Variants in MATCAP2 observed in about 807,000 individuals in gnomAD.
MATCAP2 encodes microtubule associated tyrosine carboxypeptidase 2.
At chr7:36,382,131 A>G in the MATCAP2 span, among the ~76,000 whole-genome samples, 5 of 145,340 alleles carry the variant, frequency 3.4e-5, no homozygotes, top group Non-Finnish European at 7.6e-5. Context: ...TGTCTCCACT[A>G]AAAAAAAAAC....
At chr7:36,364,981 T>C in the MATCAP2 span, among the ~76,000 whole-genome samples, 3 of 152,152 alleles carry the variant, frequency 2.0e-5, no homozygotes, top group African/African-American at 7.2e-5. Context: ...TTTGCAAACA[T>C]ACAGGGTTGG....
chr7:36,356,984 T>C, the MATCAP2 span: 537 of 1,614,182 alleles, frequency 3.3e-4, 6 homozygotes, highest in East Asian at 9.2e-3. Flanking sequence ...AAACTGAGGA[T>C]TGTAGGTATA....
chr7:36,384,955 G>A, the MATCAP2 span, among the ~76,000 whole-genome samples: 18 of 152,098 alleles, frequency 1.2e-4, no homozygotes, highest in Non-Finnish European at 1.5e-5. Context: ...TGGCCTTGTA[G>A]GTATGATAAG....
At chr7:36,380,817 C>T in the MATCAP2 span, among the ~76,000 whole-genome samples, 1 of 152,222 alleles carries the variant, frequency 6.6e-6, no homozygotes. Context: ...GCAACCTCCA[C>T]CTCCCAGGTT....
the MATCAP2 span, chr7:36,325,081 A>G: frequency 6.6e-6 from 1 of 152,228 alleles, no homozygotes; most frequent in African/African-American, 2.4e-5. Context: ...AAGTTTTTAG[A>G]TGCAATTAGA....
chr7:36,335,265 A>C, the MATCAP2 span: 2 of 1,214,648 alleles, frequency 1.6e-6, no homozygotes, highest in Non-Finnish European at 2.4e-6. Flanking sequence ...TGGGCCTGTA[A>C]ATTAACACTG....
chr7:36,351,105 T>C, the MATCAP2 span, among the ~76,000 whole-genome samples: 1 of 152,200 alleles, frequency 6.6e-6, no homozygotes, highest in East Asian at 1.9e-4. Context: ...ACTTTCAAAA[T>C]TTGAACTCTG....
chr7:36,373,447 C>A, the MATCAP2 span, among the ~76,000 whole-genome samples: 162 of 152,082 alleles, frequency 1.1e-3, 1 homozygote, highest in Non-Finnish European at 2.0e-3. Flanking sequence ...GCGATCTAGG[C>A]AAAGGAATTG....
At chr7:36,347,090 GT>G in the MATCAP2 span, among the ~76,000 whole-genome samples, 1 of 152,040 alleles carries the variant, frequency 6.6e-6, no homozygotes, top group South Asian at 2.1e-4. Flanking sequence ...TTTTAGTTTA[GT>G]TTTACATTGC....
chr7:36,336,414 T>A, the MATCAP2 span: 2 of 867,574 alleles, frequency 2.3e-6, no homozygotes, highest in Non-Finnish European at 1.7e-6. Flanking sequence ...CAAATTAAAC[T>A]GCAACTGAAG....
chr7:36,336,081 ATAAAT>A, the MATCAP2 span: 4 of 1,156,692 alleles, frequency 3.5e-6, no homozygotes, highest in Non-Finnish European at 4.5e-6. Flanking sequence ...AAAAAATAAA[ATAAAT>A]AAAATAAAAT....
At chr7:36,390,269 G>C in the MATCAP2 span, 1 of 662,574 alleles carries the variant, frequency 1.5e-6, no homozygotes, top group Non-Finnish European at 2.5e-6. Context: ...AGGGAGGAAG[G>C]CTTTGAGTCT....
the MATCAP2 span, among the ~76,000 whole-genome samples, chr7:36,361,947 A>G: frequency 1.2e-4 from 19 of 152,244 alleles, no homozygotes; most frequent in African/African-American, 4.6e-4. Flanking sequence ...ACTCCAAAAC[A>G]GCAAAACTAA....
chr7:36,350,532 CTTT>C, the MATCAP2 span, among the ~76,000 whole-genome samples: 11 of 117,660 alleles, frequency 9.3e-5, no homozygotes, highest in South Asian at 3.1e-4. Context: ...GACTGTGTTC[CTTT>C]TTTTTTTTTT....
the MATCAP2 span, among the ~76,000 whole-genome samples, chr7:36,360,583 T>C: frequency 6.6e-6 from 1 of 152,212 alleles, no homozygotes; most frequent in South Asian, 2.1e-4. Flanking sequence ...GTGGGGCACA[T>C]GGTCCTTCAC....
At chr7:36,364,057 T>A in the MATCAP2 span, among the ~76,000 whole-genome samples, 6 of 151,132 alleles carry the variant, frequency 4.0e-5, no homozygotes, top group Non-Finnish European at 5.9e-5. Context: ...TTTTTTTTTT[T>A]AAATCCCGGA....
chr7:36,388,918 GCTTT>G, the MATCAP2 span, among the ~76,000 whole-genome samples: 1 of 152,206 alleles, frequency 6.6e-6, no homozygotes, highest in African/African-American at 2.4e-5. Context: ...GTTAATTTTA[GCTTT>G]ATTTCATTGG....
chr7:36,370,217 G>T, the MATCAP2 span, among the ~76,000 whole-genome samples: 1 of 152,100 alleles, frequency 6.6e-6, no homozygotes, highest in Non-Finnish European at 1.5e-5. Flanking sequence ...TTCGTGCTAT[G>T]CCTGCTTAGT....
At chr7:36,355,066 CA>C in the MATCAP2 span, 1 of 152,178 alleles carries the variant, frequency 6.6e-6, no homozygotes, top group African/African-American at 2.4e-5. Context: ...CTTTCAGCAT[CA>C]GGGGGAAAAT....
Sources: gnomAD v4.1 joint callset for allele counts (sites outside exome capture counted in the v4.1 genomes callset) on GRCh38, gnomAD v4.1.1 for gene constraint, MANE v1.5 for transcripts, NCBI Gene and HGNC (gene_info 2026-07-23, HGNC 2026-07-21) for gene names.